ZFHX3: variants seen among roughly 807,000 people sequenced by gnomAD.
The protein encoded by ZFHX3 is zinc finger homeobox 3.
In ZFHX3, 42 loss-of-function variants were observed where a neutral mutation model predicts 279.1. That is an observed-to-expected ratio of 0.15 (90% confidence interval 0.12 to 0.19). The LOEUF (loss-of-function observed/expected upper bound fraction) is 0.19, where lower values mean the gene tolerates loss of function less well. ZFHX3 is among the 10% of genes least tolerant of loss of function. The pLI is 1.00. For missense variants in ZFHX3, 4,981 were observed against 4,754.0 expected (o/e 1.05, Z -1.40); for synonymous variants, 2,293 against 1,957.8 (o/e 1.17, Z -4.52).
chr16:73,390,692 A>G (rs1052032333), intron 3 of ZFHX3, among the ~76,000 whole-genome samples: 1 of 152,164 alleles, frequency 6.6e-6, no homozygotes, highest in African/African-American at 2.4e-5. Flanking sequence ...ATGAGACCGT[A>G]ACAAAGGAAC....
intron 3 of ZFHX3, among the ~76,000 whole-genome samples, chr16:72,902,731 G>A (rs994016709): frequency 1.2e-4 from 18 of 152,090 alleles, no homozygotes; most frequent in Admixed American, 1.2e-3. Context: ...CCCTGAATAT[G>A]AGCACCCTCA....
intron 1 of ZFHX3, among the ~76,000 whole-genome samples, chr16:73,004,321 C>CTTTTTTT (rs34987461): frequency 1.1e-3 from 59 of 52,122 alleles, no homozygotes; most frequent in Middle Eastern, 0.028. Context: ...ATGCATCAAT[C>CTTTTTTT]TTTTTTTTTT....
intron 3 of ZFHX3, among the ~76,000 whole-genome samples, chr16:73,328,843 T>G (rs2015744116): frequency 6.6e-6 from 1 of 152,212 alleles, no homozygotes; most frequent in Admixed American, 6.5e-5. Context: ...AAAGCAAATA[T>G]AAGTAAGCAG....
intron 1 of ZFHX3, among the ~76,000 whole-genome samples, chr16:73,704,635 T>C (rs2142220090): frequency 6.6e-6 from 1 of 152,310 alleles, no homozygotes; most frequent in Non-Finnish European, 1.5e-5. Context: ...TTAATTTTGG[T>C]TGTTCCAGAA....
chr16:73,226,605 C>T (rs761685864), intron 5 of ZFHX3, among the ~76,000 whole-genome samples: 1 of 152,190 alleles, frequency 6.6e-6, no homozygotes, highest in Non-Finnish European at 1.5e-5. Context: ...ATTGTAGCCA[C>T]CTTTGCTGAT....
chr16:72,984,754 G>A (rs536578019), intron 1 of ZFHX3, among the ~76,000 whole-genome samples: 1 of 152,240 alleles, frequency 6.6e-6, no homozygotes, highest in African/African-American at 2.4e-5. Flanking sequence ...CCCCGTGATG[G>A]TCTTCAATAA....
chr16:73,424,753 C>CAAAAAAAAAAAAAAAAAAAAA (rs71156163), intron 3 of ZFHX3, among the ~76,000 whole-genome samples: 2 of 95,820 alleles, frequency 2.1e-5, no homozygotes, highest in Admixed American at 1.3e-4. Context: ...TACCCTGTGT[C>CAAAAAAAAAAAAAAAAAAAAA]AAAAAAAAAA....
chr16:73,663,588 C>G (rs1471145815), intron 2 of ZFHX3, among the ~76,000 whole-genome samples: 2 of 152,184 alleles, frequency 1.3e-5, no homozygotes, highest in Non-Finnish European at 1.5e-5. Context: ...GCAAGGATAA[C>G]AGAAAGCAAC....
At chr16:72,914,244 G>A (rs932694725) in intron 3 of ZFHX3, among the ~76,000 whole-genome samples, 1 of 152,186 alleles carries the variant, frequency 6.6e-6, no homozygotes, top group Non-Finnish European at 1.5e-5. Context: ...AACCAAGATG[G>A]TCTGGAGGGT....
chr16:73,639,435 A>G (rs1383359), intron 2 of ZFHX3, among the ~76,000 whole-genome samples: 147,003 of 152,292 alleles, frequency 0.97, 70,995 homozygotes, highest in East Asian at 1. Flanking sequence ...GTAGCCCCAT[A>G]AGGTTCAATA....
At chr16:73,034,549 C>T (rs927055323) in intron 1 of ZFHX3, among the ~76,000 whole-genome samples, 1 of 152,058 alleles carries the variant, frequency 6.6e-6, no homozygotes, top group South Asian at 2.1e-4. Flanking sequence ...TAGATTCATG[C>T]CTTCCTCCTG....
At chr16:73,245,886 G>A (rs1007017444) in intron 5 of ZFHX3, among the ~76,000 whole-genome samples, 6 of 152,158 alleles carry the variant, frequency 3.9e-5, no homozygotes, top group Non-Finnish European at 8.8e-5. Context: ...AACTTGTCCT[G>A]CCTCTTTAGG....
At chr16:73,463,101 T>C (rs1175787519) in intron 2 of ZFHX3, among the ~76,000 whole-genome samples, 1 of 152,202 alleles carries the variant, frequency 6.6e-6, no homozygotes, top group East Asian at 1.9e-4. Flanking sequence ...CTGAAGTCTA[T>C]AATAAATTTC....
At chr16:73,388,311 G>A (rs956442962) in intron 3 of ZFHX3, among the ~76,000 whole-genome samples, 1 of 152,120 alleles carries the variant, frequency 6.6e-6, no homozygotes, top group African/African-American at 2.4e-5. Context: ...GCATTTAGAA[G>A]GAATGGACAA....
intron 1 of ZFHX3, among the ~76,000 whole-genome samples, chr16:73,820,113 A>G (rs1017968116): frequency 2.6e-5 from 4 of 152,034 alleles, no homozygotes; most frequent in African/African-American, 4.8e-5. Context: ...TTTTTGAGAC[A>G]GAGTCTTGCT....
Position 72,795,997 on chromosome 16 carries a change from G to A in ZFHX3, c.6685C>T (p.Pro2229Ser), listed in dbSNP as rs763959816. 1.2e-6 allele frequency: 2 copies of A among 1,614,114 alleles called. No individual in the cohort carries two copies. Among genetic ancestry groups the A allele is most frequent in the East Asian group, 4.5e-5 (2 of 44,870 alleles). Residue 2229 changes from proline (P) to serine (S), a missense_variant, in exon 9 of 10, where the codon CCT becomes TCT. This residue lies in a region of ZFHX3 where 177 missense variants were observed against 244.2 expected (regional missense o/e 0.72). Coordinates refer to ENST00000268489, the MANE Select transcript of ZFHX3 (RefSeq NM_006885.4). ...TCCTGCTTTGGAGGTTCCGGCGAAG[G>A]GGGCCGGGAGTCAATCTTGAGCTCC... Reference protein sequence around the residue: ...LEELKIDSRPPSPEPPKQEYW... With the variant: ...LEELKIDSRPSSPEPPKQEYW...
chr16:73,623,855 TC>T (rs1161067418), intron 2 of ZFHX3, among the ~76,000 whole-genome samples: 1 of 152,148 alleles, frequency 6.6e-6, no homozygotes, highest in East Asian at 1.9e-4. Flanking sequence ...GCACTTTATT[TC>T]CCCCTTAAAA....
At chr16:73,306,595 T>C (rs2015186330) in intron 4 of ZFHX3, among the ~76,000 whole-genome samples, 1 of 152,230 alleles carries the variant, frequency 6.6e-6, no homozygotes, top group African/African-American at 2.4e-5. Context: ...AGTGCTGGGA[T>C]TGGAGGCGTG....
At chr16:73,525,356 C>T (rs144480017) in intron 2 of ZFHX3, among the ~76,000 whole-genome samples, 21 of 152,250 alleles carry the variant, frequency 1.4e-4, no homozygotes, top group African/African-American at 4.6e-4. Context: ...TGGAAAGGGA[C>T]GCGATTTGTT....
Sources: allele counts gnomAD v4.1 joint callset (sites outside exome capture counted in the v4.1 genomes callset), GRCh38; gene constraint gnomAD v4.1.1; regional missense constraint gnomAD v4.1.1; transcripts MANE v1.5; gene names NCBI Gene and HGNC (gene_info 2026-07-23, HGNC 2026-07-21).